CDH13: variants seen among roughly 807,000 people sequenced by gnomAD.
The protein encoded by CDH13 is cadherin 13.
In CDH13, 24 loss-of-function variants were observed where a neutral mutation model predicts 63.8. The observed-to-expected ratio is 0.38, with a 90% CI of 0.27 to 0.53. The LOEUF (loss-of-function observed/expected upper bound fraction) is 0.53, where lower values mean the gene tolerates loss of function less well. Ranked by LOEUF, CDH13 falls within the 20% of genes least tolerant of loss-of-function variation. The pLI is 0.85. For missense variants in CDH13, 1,049 were observed against 903.1 expected, an observed-to-expected ratio of 1.16 and a Z score of -2.07; for synonymous variants, 503 against 355.3, an observed-to-expected ratio of 1.42 and a Z score of -4.67.
In CDH13 at chr16:82,977,054, T is replaced by C. The variant is rs551949979; in HGVS notation, c.158-54956T>C. The stretch of plus-strand genomic sequence containing the variant: ...AACAAAAGCTATATATTTCCTCTTA[T>C]AGAATTTTTAAAACAACTAAATATA... On this transcript the variant is annotated intron_variant, in intron 2 of 13. Transcript: ENST00000567109. Among the ~76,000 whole-genome samples the C allele has an allele frequency of 3.9e-5, 6 of 152,336 alleles. No homozygotes were observed. The South Asian group carries it at 1.2e-3, about 32-fold the overall frequency.
intron 8 of CDH13, among the ~76,000 whole-genome samples, chr16:83,635,677 TGA>T (rs1911197244): frequency 6.6e-6 from 1 of 152,148 alleles, no homozygotes. Context: ...GTTTGAGTGT[TGA>T]GAGTCTTTTA....
intron 1 of CDH13, among the ~76,000 whole-genome samples, chr16:82,714,657 T>C (rs1597388080): frequency 7.8e-6 from 1 of 128,458 alleles, no homozygotes; most frequent in East Asian, 2.2e-4. Flanking sequence ...CTGGTTGCAG[T>C]GAGCCGAGAT....
At chr16:83,430,038 G>A (rs1196307755) in intron 6 of CDH13, among the ~76,000 whole-genome samples, 1 of 152,106 alleles carries the variant, frequency 6.6e-6, no homozygotes, top group African/African-American at 2.4e-5. Flanking sequence ...AGTTGATCTG[G>A]TACAGACACT....
chr16:83,495,483 T>C (rs1303914769), intron 7 of CDH13, among the ~76,000 whole-genome samples: 1 of 152,152 alleles, frequency 6.6e-6, no homozygotes, highest in Non-Finnish European at 1.5e-5. Flanking sequence ...ATGTTTCTTG[T>C]CAGACTTTAA....
At chr16:83,312,527 G>C (rs969247931) in intron 5 of CDH13, among the ~76,000 whole-genome samples, 3 of 152,140 alleles carry the variant, frequency 2.0e-5, no homozygotes, top group Admixed American at 6.5e-5. Flanking sequence ...TGCCAGGAGA[G>C]AGCTTCTGAT....
chr16:83,605,262 A>T (rs1243026476), intron 8 of CDH13, among the ~76,000 whole-genome samples: 1 of 152,236 alleles, frequency 6.6e-6, no homozygotes, highest in Admixed American at 6.5e-5. Flanking sequence ...CAAGTACACT[A>T]GACTCTCATT....
chr16:83,289,617 C>T (rs2089416675), intron 5 of CDH13, among the ~76,000 whole-genome samples: 1 of 151,940 alleles, frequency 6.6e-6, no homozygotes. Flanking sequence ...TTAATAATGC[C>T]AGGGACATCT....
chr16:83,455,399 G>A (rs2072995057), intron 6 of CDH13, among the ~76,000 whole-genome samples: 1 of 152,168 alleles, frequency 6.6e-6, no homozygotes, highest in Non-Finnish European at 1.5e-5. Flanking sequence ...GAGGCTCTGG[G>A]GGATGAGTCG....
intron 1 of CDH13, among the ~76,000 whole-genome samples, chr16:82,673,602 T>C (rs1336877560): frequency 6.6e-6 from 1 of 152,318 alleles, no homozygotes; most frequent in East Asian, 1.9e-4. Context: ...AAAGGGAGAA[T>C]GCAACAGCAC....
chr16:83,521,072 GCT>G (rs1233975889), intron 7 of CDH13, among the ~76,000 whole-genome samples: 1 of 152,148 alleles, frequency 6.6e-6, no homozygotes, highest in African/African-American at 2.4e-5. Context: ...AAAGCAACAT[GCT>G]CTCTTTTACT....
intron 1 of CDH13, among the ~76,000 whole-genome samples, chr16:82,661,548 G>C (rs375121605): frequency 6.6e-6 from 1 of 152,322 alleles, no homozygotes; most frequent in East Asian, 1.9e-4. Context: ...TGAAAGCCTG[G>C]CTATCAGCAT....
chr16:83,737,765 G>A (rs1483066616), intron 10 of CDH13, among the ~76,000 whole-genome samples: 1 of 152,178 alleles, frequency 6.6e-6, no homozygotes, highest in Non-Finnish European at 1.5e-5. Flanking sequence ...AGAACCAGTG[G>A]CACAAACAAA....
At chr16:82,872,105 G>T (rs2151190012) in intron 2 of CDH13, among the ~76,000 whole-genome samples, 1 of 152,254 alleles carries the variant, frequency 6.6e-6, no homozygotes, top group South Asian at 2.1e-4. Context: ...CCGTTCTAAG[G>T]GTATTGTGCT....
At chr16:83,285,230 AG>A (rs2089279760) in intron 5 of CDH13, among the ~76,000 whole-genome samples, 1 of 152,218 alleles carries the variant, frequency 6.6e-6, no homozygotes, top group African/African-American at 2.4e-5. Flanking sequence ...CGTCTCACCT[AG>A]AAAAAAGTCA....
chr16:83,360,683 C>G (rs1449814177), intron 6 of CDH13, among the ~76,000 whole-genome samples: 2 of 152,146 alleles, frequency 1.3e-5, no homozygotes, highest in African/African-American at 4.8e-5. Flanking sequence ...ATGTTTAGCT[C>G]CCACTTATAA....
At chr16:83,207,538 C>T (rs1250621103) in intron 4 of CDH13, among the ~76,000 whole-genome samples, 1 of 152,138 alleles carries the variant, frequency 6.6e-6, no homozygotes, top group African/African-American at 2.4e-5. Flanking sequence ...TGTTGATGGA[C>T]ACCTGAGTTG....
chr16:83,403,766 A>T (rs551099868), intron 6 of CDH13, among the ~76,000 whole-genome samples: 19 of 152,336 alleles, frequency 1.2e-4, no homozygotes, highest in African/African-American at 4.1e-4. Context: ...GAACATCATA[A>T]AGCTCCTCCA....
At chr16:83,203,927 A>G (rs1156643056) in intron 4 of CDH13, among the ~76,000 whole-genome samples, 1 of 152,204 alleles carries the variant, frequency 6.6e-6, no homozygotes, top group Non-Finnish European at 1.5e-5. Context: ...CACCATTATT[A>G]TGACAAAGCT....
At chr16:83,417,258 C>G (rs2071577325) in intron 6 of CDH13, among the ~76,000 whole-genome samples, 1 of 152,134 alleles carries the variant, frequency 6.6e-6, no homozygotes. Context: ...TTACAAATAC[C>G]AAATTGACTC....
Sources: allele counts gnomAD v4.1 joint callset (sites outside exome capture counted in the v4.1 genomes callset), GRCh38; gene constraint gnomAD v4.1.1; transcripts MANE v1.5; gene names NCBI Gene and HGNC (gene_info 2026-07-23, HGNC 2026-07-21).